CHRDL2: variants seen among roughly 807,000 people sequenced by gnomAD.
CHRDL2 encodes chordin-like protein 2.
CHRDL2 carries 41 observed loss-of-function variants against 54.3 expected under a neutral mutation model. That is an observed-to-expected ratio of 0.76 (90% CI 0.59 to 0.98). The LOEUF (loss-of-function observed/expected upper bound fraction) is 0.98. Among genes scored for constraint, CHRDL2 ranks in the 50% least tolerant of loss-of-function variants. The pLI, the probability that CHRDL2 is intolerant of heterozygous loss-of-function variation, is 0.00. For synonymous variants in CHRDL2, 220 were observed against 224.3 expected, an observed-to-expected ratio of 0.98 and a Z score of 0.17; for missense variants, 518 against 562.4, an observed-to-expected ratio of 0.92 and a Z score of 0.80.
Position 74,702,912 on chromosome 11 carries a change from T to C in CHRDL2, c.1002A>G (p.Ala334=), listed in dbSNP as rs1307275594. The change falls in exon 9 of 11, where the codon GCA becomes GCG. Residue 334 remains alanine (A), a synonymous_variant. Coordinates refer to ENST00000376332, the MANE Select transcript of CHRDL2 (RefSeq NM_001278473.3). The part of the protein sequence containing the change: ...SEISSTRCPK[A]PGRVLVHTSV... ...ATGTGTGGACGAGGACCCGGCCCGGTGCCTTGGGACACCTGGTAGAACTGA... is the reference window on the plus strand; with the variant it reads ...ATGTGTGGACGAGGACCCGGCCCGGCGCCTTGGGACACCTGGTAGAACTGA... 1.2e-6 allele frequency: 2 copies of C among 1,614,048 alleles called. No individual in the cohort carries two copies. Among genetic ancestry groups the C allele is most frequent in the South Asian group, 2.2e-5 (2 of 91,062 alleles).
intron 9 of CHRDL2, among the ~76,000 whole-genome samples, chr11:74,702,347 C>T (rs541157262): frequency 3.9e-5 from 6 of 152,212 alleles, no homozygotes; most frequent in Admixed American, 6.5e-5. Flanking sequence ...AGAATGAGAA[C>T]TGTGGTTCTG....
chr11:74,707,572 C>T (rs146098739), intron 5 of CHRDL2, among the ~76,000 whole-genome samples: 77 of 152,240 alleles, frequency 5.1e-4, no homozygotes, highest in Non-Finnish European at 9.8e-4. Flanking sequence ...CCAGCTCTGC[C>T]GTCAGGAAGG....
intron 1 of CHRDL2, among the ~76,000 whole-genome samples, chr11:74,719,866 C>CA (rs1388455296): frequency 6.6e-6 from 1 of 152,162 alleles, no homozygotes; most frequent in Non-Finnish European, 1.5e-5. Flanking sequence ...CACTCACCTC[C>CA]AGCCCTGGGT....
chr11:74,703,012 G>A lies in CHRDL2; in HGVS notation c.947-45C>T, dbSNP rs571346591. On this transcript the variant is annotated intron_variant, in intron 8 of 10. Transcript: ENST00000376332. ...ATGAAGTGTTCAATAAACGTTGGCT[G>A]TACCTCTTCAAAGCTCTAATATTCT... 2.9e-5 allele frequency: 44 copies of A among 1,532,072 alleles called. No homozygotes were observed. The South Asian group carries it at 5.1e-4, about 18-fold the overall frequency. The allele number at this position is 1,532,072 out of a possible 1,614,324, so 94.9% of individuals were successfully genotyped here.
At chr11:74,730,422 CT>C (rs1190594033) in intron 1 of CHRDL2, among the ~76,000 whole-genome samples, 1 of 152,176 alleles carries the variant, frequency 6.6e-6, no homozygotes, top group Non-Finnish European at 1.5e-5. Flanking sequence ...TCCTAATTAC[CT>C]CTCATTTCTG....
chr11:74,715,272 G>A (rs1001808572), intron 2 of CHRDL2, among the ~76,000 whole-genome samples: 4 of 152,110 alleles, frequency 2.6e-5, no homozygotes, highest in Admixed American at 6.6e-5. Context: ...CTGCCCTCCC[G>A]GAGCTCACAT....
In CHRDL2 at chr11:74,726,868, C is replaced by T. The variant is rs184131269; in HGVS notation, c.82+3939G>A. On this transcript the variant is annotated intron_variant, in intron 1 of 10. Transcript: ENST00000376332. ...GTGCTCCCCACTGCCTCATGCACACCTGCACAGGTAGATGGGGATGCGACT... is the reference window on the plus strand; with the variant it reads ...GTGCTCCCCACTGCCTCATGCACACTTGCACAGGTAGATGGGGATGCGACT... Among the ~76,000 whole-genome samples, 408 of 152,304 alleles carry T rather than the reference C, an allele frequency of 2.7e-3. 2 individuals are homozygous for T. Among genetic ancestry groups the T allele is most frequent in the Non-Finnish European group, 3.2e-3 (220 of 68,030 alleles).
intron 1 of CHRDL2, among the ~76,000 whole-genome samples, chr11:74,721,871 T>C (rs1423665688): frequency 6.6e-6 from 1 of 152,258 alleles, no homozygotes; most frequent in East Asian, 1.9e-4. Context: ...ATTTCAACAT[T>C]TGAAGACTCC....
rs1363699198 is a variant in CHRDL2, at chr11:74,718,747, C to T, written c.168G>A (p.Met56Ile). Residue 56 changes from methionine to isoleucine, a missense_variant, in exon 2 of 11, where the codon ATG becomes ATA. By Grantham distance (10) the Met-to-Ile change is conservative. Transcript: ENST00000376332. ...WHPYLEPQGL[M>I]YCLRCTCSEG... Reference sequence around the variant, plus strand: ...CTGAGCAGGTACAGCGCAGGCAGTACATCAGGCCTTGTGGCTCCAAGTAGG... The same window carrying T: ...CTGAGCAGGTACAGCGCAGGCAGTATATCAGGCCTTGTGGCTCCAAGTAGG... 3 of 1,613,558 alleles carry T rather than the reference C, an allele frequency of 1.9e-6. No individual in the cohort carries two copies. The highest frequency in any genetic ancestry group is 1.1e-5 in the South Asian group (1 of 90,936).
rs2034653594 is a variant in CHRDL2 at position 74,731,392 on chromosome 11, G to T, written c.-504C>A. On this transcript the variant is annotated 5_prime_UTR_variant, in exon 1 of 11. Transcript: ENST00000376332. The surrounding 1 kb of genome is among the most constrained non-coding windows in gnomAD (Gnocchi z 4.4). Reference sequence around the variant, plus strand: ...GCGGCGGCGGCGCGGCGGCCGCGGAGGGAGGCTGAGCGCGGGCCGGCTGTG... The same window carrying T: ...GCGGCGGCGGCGCGGCGGCCGCGGATGGAGGCTGAGCGCGGGCCGGCTGTG... 2 of 150,266 alleles carry T rather than the reference G, an allele frequency of 1.3e-5. No individual in the cohort carries two copies. The highest frequency in any genetic ancestry group is 1.8e-4 in the South Asian group (1 of 5,654). The allele number at this position is 150,266 out of a possible 1,614,324, so 9.3% of individuals were successfully genotyped here.
In CHRDL2 at chr11:74,706,458, G is replaced by A. The variant is rs191471502; in HGVS notation, c.582+29C>T. ...GCCCTGGATCCCAGCCCCCTGTCCC[G>A]CACCCCGTCAATAAGGCCGTGCACT... On this transcript the variant is annotated intron_variant, in intron 6 of 10. Transcript: ENST00000376332. 102 of 1,610,766 alleles carry A rather than the reference G, an allele frequency of 6.3e-5. No individual in the cohort carries two copies. The Admixed American group carries it at 1.2e-3, about 18-fold the overall frequency.
chr11:74,722,788 A>G (rs1334542868), intron 1 of CHRDL2, among the ~76,000 whole-genome samples: 1 of 152,122 alleles, frequency 6.6e-6, no homozygotes, highest in African/African-American at 2.4e-5. Context: ...GTTTGCCTCA[A>G]CTCACCTCAG....
At chr11:74,696,854 A>C (rs1156858129) in intron 10 of CHRDL2, among the ~76,000 whole-genome samples, 1 of 152,156 alleles carries the variant, frequency 6.6e-6, no homozygotes, top group African/African-American at 2.4e-5. Context: ...CCCGACCTGA[A>C]ACCCCACCTG....
intron 1 of CHRDL2, among the ~76,000 whole-genome samples, chr11:74,726,198 A>AT (rs1240506906): frequency 6.6e-6 from 1 of 152,088 alleles, no homozygotes; most frequent in Non-Finnish European, 1.5e-5. Flanking sequence ...GACTGTTCAC[A>AT]TTTTTTTCTG....
intron 9 of CHRDL2, chr11:74,701,471 C>T: frequency 1.7e-6 from 1 of 603,166 alleles, no homozygotes. Context: ...CTTCTCTTCT[C>T]CAGGCTGAAC....
rs774012223 is a variant in CHRDL2 at position 74,702,905 on chromosome 11, G to A, written c.1009C>T (p.Arg337Trp). ...GATACCGATGTGTGGACGAGGACCCGGCCCGGTGCCTTGGGACACCTGGTA... is the reference window on the plus strand; with the variant it reads ...GATACCGATGTGTGGACGAGGACCCAGCCCGGTGCCTTGGGACACCTGGTA... ...SSTRCPKAPG[R>W]VLVHTSVSPS... Residue 337 changes from arginine to tryptophan, a missense_variant, in exon 9 of 11, where the codon CGG (arginine) becomes TGG (tryptophan). Physicochemically the swap from Arg to Trp is moderately radical, Grantham distance 101 (BLOSUM62 -3). Transcript: ENST00000376332. 3.2e-5 allele frequency: 51 copies of A among 1,614,024 alleles called. No homozygotes were observed. Among genetic ancestry groups the A allele is most frequent in the Non-Finnish European group, 3.9e-5 (46 of 1,180,030 alleles).
At chr11:74,711,971 A>G (rs2034205489) in intron 3 of CHRDL2, among the ~76,000 whole-genome samples, 1 of 151,904 alleles carries the variant, frequency 6.6e-6, no homozygotes, top group Non-Finnish European at 1.5e-5. Flanking sequence ...CACCATATCC[A>G]GCTAATTTTT....
In CHRDL2 at chr11:74,703,314, T is replaced by C. The variant is rs769845087; in HGVS notation, c.937A>G (p.Ile313Val). The C allele has an allele frequency of 3.7e-6, 6 of 1,603,450 alleles. No individual in the cohort carries two copies. Among genetic ancestry groups the C allele is most frequent in the Non-Finnish European group, 5.1e-6 (6 of 1,173,654 alleles). Residue 313 changes from isoleucine (I) to valine (V), a missense_variant, in exon 8 of 11, where the codon ATT becomes GTT. Transcript: ENST00000376332. Reference protein sequence around the residue: ...PEKVAGKCCKICPEDKADPGH... With the variant: ...PEKVAGKCCKVCPEDKADPGH... ...CAGTGCCCCTGTGTACCTGGGCAAA[T>C]CTTGCAGCACTTCCCAGCCACTTTC...
intron 2 of CHRDL2, among the ~76,000 whole-genome samples, chr11:74,716,876 C>T (rs61389091): frequency 0.055 from 8,302 of 152,020 alleles, 276 homozygotes; most frequent in African/African-American, 0.089. Flanking sequence ...GTGGGTTTCT[C>T]GAGCTCAGGA....
Sources: allele counts gnomAD v4.1 joint callset (sites outside exome capture counted in the v4.1 genomes callset), GRCh38; gene constraint gnomAD v4.1.1; non-coding constraint Gnocchi (gnomAD v3.1); transcripts MANE v1.5; gene names NCBI Gene and HGNC (gene_info 2026-07-23, HGNC 2026-07-21).